PTK2: variants seen among roughly 807,000 people sequenced by gnomAD.
PTK2 encodes focal adhesion kinase 1.
PTK2 carries 45 observed loss-of-function variants against 150.1 expected under a neutral mutation model. The ratio of observed to expected loss-of-function variants is 0.30; its 90% CI spans 0.24 to 0.38. The LOEUF (loss-of-function observed/expected upper bound fraction) is 0.38, where lower values mean the gene tolerates loss of function less well. Among genes scored for constraint, PTK2 ranks in the 10% least tolerant of loss-of-function variants. PTK2 has a pLI of 1.00. For synonymous variants in PTK2, 432 were observed against 449.2 expected (o/e 0.96, Z 0.48); for missense variants, 919 against 1,307.3 (o/e 0.70, Z 4.58).
At chr8:140,991,880 G>T (rs2100195813) in intron 1 of PTK2, among the ~76,000 whole-genome samples, 2 of 152,094 alleles carry the variant, frequency 1.3e-5, no homozygotes, top group Non-Finnish European at 2.9e-5. Flanking sequence ...GTAGTGGCAT[G>T]CGCCTGTAGT....
Position 140,984,499 on chromosome 8 carries a change from T to C in PTK2, c.-122+16626A>G, listed in dbSNP as rs1182160694. Among the ~76,000 whole-genome samples the C allele has an allele frequency of 3.3e-5, 5 of 152,312 alleles. No individual in the cohort carries two copies. In the South Asian group the frequency reaches 6.2e-4, roughly 19 times the overall value. On this transcript the variant is annotated intron_variant, in intron 1 of 31. Coordinates refer to ENST00000522684, the Ensembl canonical transcript of PTK2. ...ACAGACTGAATTGGAACTTAAAATA[T>C]AACGAGATCCCTGGGTGGCATGTAT...
At chr8:140,711,484 C>A (rs1003769656) in intron 23 of PTK2, among the ~76,000 whole-genome samples, 2 of 152,176 alleles carry the variant, frequency 1.3e-5, no homozygotes, top group African/African-American at 4.8e-5. Flanking sequence ...GTCACTTGAA[C>A]ACAGAATGAA....
intron 5 of PTK2, among the ~76,000 whole-genome samples, chr8:140,847,647 A>G (rs2100126405): frequency 6.6e-6 from 1 of 152,188 alleles, no homozygotes; most frequent in African/African-American, 2.4e-5. Flanking sequence ...TATGAATTTT[A>G]TCAACACAAA....
intron 2 of PTK2, among the ~76,000 whole-genome samples, chr8:140,897,026 A>G (rs1047737639): frequency 2.0e-5 from 3 of 152,244 alleles, no homozygotes; most frequent in African/African-American, 7.2e-5. Context: ...TAGAAGATAA[A>G]GACAACTAAA....
In PTK2 at chr8:140,698,253, G is replaced by A. The variant is rs910229207; in HGVS notation, c.2499+2638C>T. On this transcript the variant is annotated intron_variant, in intron 26 of 31. Coordinates refer to ENST00000522684, the Ensembl canonical transcript of PTK2. ...ACCCTTTGTCCAAATGCAGTCATAC[G>A]TGGGACTGAAATACAAGAACTCTAG... Among the ~76,000 whole-genome samples the A allele has an allele frequency of 3.3e-5, 5 of 152,240 alleles. No individual in the cohort carries two copies. In the East Asian group the frequency reaches 7.7e-4, roughly 23 times the overall value.
At chr8:140,923,355 A>C (rs1403060868) in intron 2 of PTK2, among the ~76,000 whole-genome samples, 1 of 152,198 alleles carries the variant, frequency 6.6e-6, no homozygotes, top group Non-Finnish European at 1.5e-5. Flanking sequence ...GCTGTATATA[A>C]AATAACTGCA....
chr8:140,837,460 G>C (rs890319616), intron 7 of PTK2, among the ~76,000 whole-genome samples: 52 of 152,216 alleles, frequency 3.4e-4, no homozygotes, highest in Admixed American at 3.4e-3. Context: ...TGGGCGTGGT[G>C]ACTCACACCT....
intron 10 of PTK2, among the ~76,000 whole-genome samples, chr8:140,807,514 G>A (rs1596411179): frequency 6.6e-6 from 1 of 152,298 alleles, no homozygotes; most frequent in East Asian, 1.9e-4. Flanking sequence ...AAAAGAGAGG[G>A]AAAGAGCACT....
In PTK2 at chr8:140,720,508, C is replaced by T. The variant is rs2100042290; in HGVS notation, c.2031-2799G>A. Among the ~76,000 whole-genome samples the T allele has an allele frequency of 2.6e-5, 4 of 152,132 alleles. No homozygotes were observed. The South Asian group carries it at 8.3e-4, about 32-fold the overall frequency. On this transcript the variant is annotated intron_variant, in intron 22 of 31. Transcript: ENST00000522684. ...CATCAGGTTTAAATTCTACCATAGACAGGTTAGATGACCATGGACAACTCT... is the reference window on the plus strand; with the variant it reads ...CATCAGGTTTAAATTCTACCATAGATAGGTTAGATGACCATGGACAACTCT...
At chr8:140,672,203 T>C in intron 29 of PTK2, 1 of 446,900 alleles carries the variant, frequency 2.2e-6, no homozygotes, top group Non-Finnish European at 4.5e-6. Context: ...TCCCCTTTTC[T>C]TTTTTTAAAG....
intron 1 of PTK2, among the ~76,000 whole-genome samples, chr8:140,947,966 ACCTT>A (rs2100178258): frequency 2.6e-5 from 4 of 152,218 alleles, no homozygotes; most frequent in Admixed American, 2.6e-4. Context: ...GGTGTTAACA[ACCTT>A]ACAGTAAAAC....
chr8:140,676,373 C>T (rs1488414504), intron 27 of PTK2, among the ~76,000 whole-genome samples: 1 of 149,436 alleles, frequency 6.7e-6, no homozygotes, highest in African/African-American at 2.5e-5. Context: ...AAGACTCTGT[C>T]TCAAAAAAAT....
intron 1 of PTK2, among the ~76,000 whole-genome samples, chr8:140,994,373 C>G (rs1357749424): frequency 2.0e-5 from 3 of 152,192 alleles, no homozygotes; most frequent in Non-Finnish European, 4.4e-5. Context: ...TTGCAGCAAC[C>G]CTGCATCGAG....
intron 26 of PTK2, among the ~76,000 whole-genome samples, chr8:140,694,046 T>TC (rs1233193941): frequency 1.4e-5 from 2 of 145,606 alleles, no homozygotes; most frequent in African/African-American, 2.7e-5. Flanking sequence ...TCTTTTCTTT[T>TC]TTTTTTTTTT....
intron 3 of PTK2, among the ~76,000 whole-genome samples, chr8:140,888,494 G>T (rs537688036): frequency 6.6e-6 from 1 of 152,154 alleles, no homozygotes; most frequent in Non-Finnish European, 1.5e-5. Context: ...AATAAAACAC[G>T]TTGTTTGTGG....
intron 30 of PTK2, among the ~76,000 whole-genome samples, chr8:140,665,652 ATGAC>A (rs2090414794): frequency 6.6e-6 from 1 of 152,254 alleles, no homozygotes; most frequent in Admixed American, 6.5e-5. Context: ...AAATAATGTA[ATGAC>A]TAAGACATCA....
At chr8:140,965,344 T>C (rs991826778) in intron 1 of PTK2, among the ~76,000 whole-genome samples, 2 of 152,200 alleles carry the variant, frequency 1.3e-5, no homozygotes, top group African/African-American at 2.4e-5. Flanking sequence ...TTGATGTACA[T>C]GTGGTAGGGG....
exon 32 of PTK2, chr8:140,659,476 C>T: frequency 6.2e-7 from 1 of 1,612,288 alleles, no homozygotes; most frequent in Non-Finnish European, 8.5e-7. Context: ...TCAGTGTGGT[C>T]TCGTCTGCCC....
intron 4 of PTK2, among the ~76,000 whole-genome samples, chr8:140,866,259 TA>T: frequency 1.3e-5 from 2 of 152,348 alleles, no homozygotes; most frequent in Middle Eastern, 3.4e-3. Context: ...TTTATTTATT[TA>T]TTTTTTTGGT....
Sources: allele counts gnomAD v4.1 joint callset (sites outside exome capture counted in the v4.1 genomes callset), GRCh38; gene constraint gnomAD v4.1.1; transcripts MANE v1.5; gene names NCBI Gene and HGNC (gene_info 2026-07-23, HGNC 2026-07-21).